NT5C1B: variants seen among roughly 807,000 people sequenced by gnomAD.
NT5C1B encodes 5'-nucleotidase, cytosolic IB.
Under a neutral mutation model 57.8 loss-of-function variants are expected in NT5C1B, and 44 were observed. The observed-to-expected ratio is 0.76, with a 90% CI of 0.60 to 0.98. The LOEUF is 0.98. NT5C1B is among the 50% of genes least tolerant of loss of function. The pLI is 0.00. For missense variants in NT5C1B, 742 were observed against 719.5 expected, an observed-to-expected ratio of 1.03 and a Z score of -0.36; for synonymous variants, 284 against 282.6, an observed-to-expected ratio of 1.00 and a Z score of -0.05.
At chr2:18,572,632 A>G (rs1465580797) in intron 8 of NT5C1B, among the ~76,000 whole-genome samples, 1 of 152,196 alleles carries the variant, frequency 6.6e-6, no homozygotes, top group African/African-American at 2.4e-5. Context: ...TAAGGAAAAT[A>G]TTTGAACAGG....
intron 3 of NT5C1B, 44 bp from the exon 4 acceptor site, chr2:18,585,022 C>T (rs1409787655): frequency 1.3e-6 from 2 of 1,583,544 alleles, no homozygotes; most frequent in East Asian, 2.2e-5. Flanking sequence ...CCTGCCTGCC[C>T]ATCTCCGGTC....
rs774011533 is a variant in NT5C1B, at chr2:18,587,483, T to G, written c.120+20A>C. ...TTCTGCTCCTTAATTTCCTCACCTC[T>G]GCTACAGAGATCAGCTCACCTGATT... On this transcript the variant is annotated intron_variant, in intron 2 of 8. Transcript: ENST00000304081. The G allele has an allele frequency of 1.2e-6, 2 of 1,609,024 alleles. No individual in the cohort carries two copies. The highest frequency in any genetic ancestry group is 1.7e-6 in the Non-Finnish European group (2 of 1,179,196).
At chr2:18,586,876 C>G in intron 2 of NT5C1B, 1 of 1,510,412 alleles carries the variant, frequency 6.6e-7, no homozygotes, top group East Asian at 2.4e-5. Context: ...TTAGGAGAAA[C>G]AAGAATGAAG....
chr2:18,585,621 A>G (rs1477576495), intron 3 of NT5C1B, among the ~76,000 whole-genome samples: 4 of 152,190 alleles, frequency 2.6e-5, no homozygotes, highest in Non-Finnish European at 4.4e-5. Context: ...GGGCCATTCT[A>G]GAGAAAAAAC....
At chr2:18,585,106 G>A in intron 3 of NT5C1B, 128 bp from the exon 4 acceptor site, 1 of 1,208,454 alleles carries the variant, frequency 8.3e-7, no homozygotes, top group East Asian at 2.3e-5. Flanking sequence ...TCCTTAAGTA[G>A]GGCTTAAGGG....
chr2:18,586,411 C>T lies in NT5C1B; in HGVS notation c.121-20G>A. ...TGATCCCTGTGATGGAAAGAAGAAA[C>T]CCAACGGTGTAAAACCCCATCACCA... On this transcript the variant is annotated intron_variant, in intron 2 of 8. Transcript: ENST00000304081. 6.2e-7 allele frequency: 1 copy of T among 1,613,318 alleles called. No individual in the cohort carries two copies. The highest frequency in any genetic ancestry group is 8.5e-7 in the Non-Finnish European group (1 of 1,179,682).
chr2:18,566,889 A>G (rs980716157), intron 8 of NT5C1B, among the ~76,000 whole-genome samples: 1 of 152,208 alleles, frequency 6.6e-6, no homozygotes, highest in Non-Finnish European at 1.5e-5. Flanking sequence ...CTAGCATGAA[A>G]ACTAGGGAAA....
chr2:18,564,537 AG>A (rs1249880013), intron 8 of NT5C1B, among the ~76,000 whole-genome samples: 1 of 152,162 alleles, frequency 6.6e-6, no homozygotes, highest in Non-Finnish European at 1.5e-5. Flanking sequence ...AACTTTATGA[AG>A]TATATGCTTT....
rs76782074 is a variant in NT5C1B, at chr2:18,584,668, C to G, written c.569G>C (p.Arg190Thr). Residue 190 changes from arginine (R) to threonine (T), a missense_variant, in exon 4 of 9, where the codon AGG (arginine) becomes ACG (threonine). Transcript: ENST00000304081. This position sits in a 1 kb window ranked among gnomAD's most constrained non-coding sequence, Gnocchi z 5.8. ...CTGGGTGGAGGCGGGGTAGATCCCC[C>G]TGCGCTGGCTGGAGGACTTCCACTC... The G allele has an allele frequency of 6.2e-7, 1 of 1,612,330 alleles. No homozygotes were observed. Among genetic ancestry groups the G allele is most frequent in the South Asian group, 1.1e-5 (1 of 90,872 alleles).
rs1396677289 is a variant in NT5C1B at position 18,584,324 on chromosome 2, A to G, written c.724-69T>C. 4 of 1,578,608 alleles carry G rather than the reference A, an allele frequency of 2.5e-6. No individual in the cohort carries two copies. The highest frequency in any genetic ancestry group is 3.4e-6 in the Non-Finnish European group (4 of 1,162,324). On this transcript the variant is annotated intron_variant, in intron 4 of 8. Transcript: ENST00000304081. The surrounding 1 kb of genome is among the most constrained non-coding windows in gnomAD (Gnocchi z 5.8). ...AAGAGGACAGGGTTGGGGCTCCTCC[A>G]GGGTAGGGTGAGAGTAGGACAGCGG...
At chr2:18,571,326 G>A (rs1182941036) in intron 8 of NT5C1B, among the ~76,000 whole-genome samples, 1 of 152,200 alleles carries the variant, frequency 6.6e-6, no homozygotes, top group African/African-American at 2.4e-5. Context: ...ATTGAACAAG[G>A]TTGCAGAATA....
rs148193506 is a variant in NT5C1B at position 18,582,869 on chromosome 2, G to A, written c.1020C>T (p.Tyr340=). Residue 340 remains tyrosine, a splice_region_variant and synonymous_variant, in exon 6 of 9, where the codon TAC becomes TAT. Transcript: ENST00000304081. ...CCACATGGTATTTATTTTACTTACC[G>A]TAGTGATTGACGCTGTTTATAAGCC... 2.1e-5 allele frequency: 34 copies of A among 1,613,096 alleles called. No individual in the cohort carries two copies. In the East Asian group the frequency reaches 3.8e-4, roughly 18 times the overall value.
At chr2:18,579,313 A>G (rs971654365) in intron 6 of NT5C1B, among the ~76,000 whole-genome samples, 1 of 152,242 alleles carries the variant, frequency 6.6e-6, no homozygotes, top group Non-Finnish European at 1.5e-5. Flanking sequence ...TGGAATCAAA[A>G]AAGAGCTGGA....
rs561958917 is a variant in NT5C1B, at chr2:18,583,779, A to G, written c.891+309T>C. On this transcript the variant is annotated intron_variant, in intron 5 of 8. Transcript: ENST00000304081. Reference sequence around the variant, plus strand: ...TGGCGTTTTATTTCTACTACTCAGGATCATAAACTCATTATGGCTTCTTAG... The same window carrying G: ...TGGCGTTTTATTTCTACTACTCAGGGTCATAAACTCATTATGGCTTCTTAG... 4 of 553,950 alleles carry G rather than the reference A, an allele frequency of 7.2e-6. No homozygotes were observed. The East Asian group carries it at 1.4e-4, about 19-fold the overall frequency. 34.3% of individuals were successfully genotyped at this position (553,950 alleles called of 1,614,324 possible).
intron 6 of NT5C1B, among the ~76,000 whole-genome samples, chr2:18,578,102 A>T (rs1462119606): frequency 6.6e-6 from 1 of 152,186 alleles, no homozygotes; most frequent in Non-Finnish European, 1.5e-5. Flanking sequence ...CTGACCAATA[A>T]CAAGTTTCTA....
chr2:18,587,720 C>T, intron 1 of NT5C1B, 128 bp from the exon 2 acceptor site: 5 of 1,023,966 alleles, frequency 4.9e-6, no homozygotes, highest in Non-Finnish European at 6.8e-6. Context: ...GGTATAAACT[C>T]TAGACCTTAG....
chr2:18,565,665 T>C (rs1572295386), intron 8 of NT5C1B, among the ~76,000 whole-genome samples: 1 of 152,328 alleles, frequency 6.6e-6, no homozygotes, highest in East Asian at 1.9e-4. Flanking sequence ...GTCTCAGTGA[T>C]GGTCATTTTG....
chr2:18,585,901 C>G, intron 3 of NT5C1B, among the ~76,000 whole-genome samples: 1 of 152,098 alleles, frequency 6.6e-6, no homozygotes, highest in Non-Finnish European at 1.5e-5. Flanking sequence ...CAATCTGACA[C>G]TCTTTTTCTC....
At chr2:18,578,771 A>T (rs148737709) in intron 6 of NT5C1B, among the ~76,000 whole-genome samples, 1 of 152,288 alleles carries the variant, frequency 6.6e-6, no homozygotes, top group East Asian at 1.9e-4. Flanking sequence ...TTTGTATTCA[A>T]CATAGTCCTT....
Sources: allele counts gnomAD v4.1 joint callset (sites outside exome capture counted in the v4.1 genomes callset), GRCh38; gene constraint gnomAD v4.1.1; non-coding constraint Gnocchi (gnomAD v3.1); transcripts MANE v1.5; gene names NCBI Gene and HGNC (gene_info 2026-07-23, HGNC 2026-07-21).